The following C1QTNF5 variants were observed in gnomAD, a reference collection of about 807,000 sequenced individuals.
The protein encoded by C1QTNF5 is C1q and TNF related 5.
Under a neutral mutation model 10.9 loss-of-function variants are expected in C1QTNF5, and 5 were observed. The observed-to-expected ratio is 0.46, with a 90% CI of 0.24 to 0.97. The LOEUF (loss-of-function observed/expected upper bound fraction) is 0.97, where lower values mean the gene tolerates loss of function less well. Ranked by LOEUF, C1QTNF5 falls within the 50% of genes least tolerant of loss-of-function variation. The pLI is 0.19. For missense variants in C1QTNF5, 281 were observed against 339.4 expected, an observed-to-expected ratio of 0.83 and a Z score of 1.35; for synonymous variants, 161 against 156.5, an observed-to-expected ratio of 1.03 and a Z score of -0.22.
the C1QTNF5 span, chr11:119,346,530 T>C: frequency 5.0e-6 from 8 of 1,613,812 alleles, no homozygotes; most frequent in Non-Finnish European, 6.8e-6. Flanking sequence ...AGGCTCTGCA[T>C]GGCTTTCTGG....
upstream of C1QTNF5, chr11:119,345,474 G>A (rs752088544): frequency 5.6e-6 from 9 of 1,613,980 alleles, no homozygotes; most frequent in South Asian, 8.8e-5. Context: ...AAAAAGGCAA[G>A]AGGCCACACT....
Position 119,339,328 on chromosome 11 carries a change from G to C in C1QTNF5, c.*3C>G. On this transcript the variant is annotated 3_prime_UTR_variant, in exon 3 of 3. Coordinates refer to ENST00000528368, the MANE Select transcript of C1QTNF5 (RefSeq NM_001278431.2). The surrounding 1 kb of genome is among the most constrained non-coding windows in gnomAD (Gnocchi z 5.4). ...AGAGCATGAGCTCACTTTGCAGTGGGCACTAAGCAAAGACTGGGGAGCTGT... is the reference window on the plus strand; with the variant it reads ...AGAGCATGAGCTCACTTTGCAGTGGCCACTAAGCAAAGACTGGGGAGCTGT... 1 of 1,611,950 alleles carries C rather than the reference G, an allele frequency of 6.2e-7. No homozygotes were observed.
upstream of C1QTNF5, chr11:119,341,504 G>A (rs779984838): frequency 6.5e-7 from 1 of 1,540,254 alleles, no homozygotes; most frequent in Admixed American, 1.7e-5. Context: ...GCCCTGACCG[G>A]CAAAAGAGGA....
chr11:119,344,013 A>C, upstream of C1QTNF5: 2 of 1,605,722 alleles, frequency 1.2e-6, no homozygotes, highest in South Asian at 1.1e-5. Flanking sequence ...CTCCTGTCTC[A>C]TCCCGGGCAC....
rs1461179505 is a variant in C1QTNF5 at position 119,339,842 on chromosome 11, G to T, written c.221C>A (p.Pro74Gln). 2 of 1,492,156 alleles carry T rather than the reference G, an allele frequency of 1.3e-6. No individual in the cohort carries two copies. The highest frequency in any genetic ancestry group is 2.3e-5 in the Admixed American group (1 of 43,888). The allele number at this position is 1,492,156 out of a possible 1,614,324, so 92.4% of individuals were successfully genotyped here. The change falls in exon 3 of 3, where the codon CCG (proline) becomes CAG (glutamine). Residue 74 changes from proline (P) to glutamine (Q), a missense_variant. By Grantham distance (76) the Pro-to-Gln change is moderately conservative (BLOSUM62 -1). Transcript: ENST00000528368. The surrounding 1 kb of genome is among the most constrained non-coding windows in gnomAD (Gnocchi z 5.4). ...CGGCCCGGGGTCCCCTCGAGGTCCC[G>T]GCAGTCCTGCGGGGTAAGCGGGGCG... The part of the protein sequence containing the change: ...EKGEGGRPGL[P>Q]GPRGDPGPRG...
In C1QTNF5 at chr11:119,339,511, C is replaced by T. The variant is rs199537571; in HGVS notation, c.552G>A (p.Gly184=). The T allele has an allele frequency of 1.1e-5, 18 of 1,613,740 alleles. No individual in the cohort carries two copies. The highest frequency in any genetic ancestry group is 8.0e-5 in the African/African-American group (6 of 75,008). The change falls in exon 3 of 3, where the codon GGG becomes GGA. Residue 184 remains glycine (G), a synonymous_variant. Coordinates refer to ENST00000528368, the MANE Select transcript of C1QTNF5 (RefSeq NM_001278431.2). The surrounding 1 kb of genome is among the most constrained non-coding windows in gnomAD (Gnocchi z 5.4). ...CCGAGAGCGAGGCTGGCTTGGGCCA[C>T]CCCCCGAAAAACTGGAAGAAAGAGG... The part of the protein sequence containing the change: ...SIASFFQFFG[G]WPKPASLSGG...
At chr11:119,341,571 G>A (rs1950502848), upstream of C1QTNF5, 1 of 1,612,642 alleles carries the variant, frequency 6.2e-7, no homozygotes, top group Admixed American at 1.7e-5. Flanking sequence ...CAAGCTTCCA[G>A]GTCAGCTGCC....
At chr11:119,345,885 C>T (rs141109062), upstream of C1QTNF5, 204 of 1,613,490 alleles carry the variant, frequency 1.3e-4, no homozygotes, top group African/African-American at 2.6e-3. Context: ...CTCCGGCAGG[C>T]AGTGGGCTAT....
In C1QTNF5 at chr11:119,339,421, G is replaced by A. The variant is rs746676244; in HGVS notation, c.642C>T (p.Tyr214=). 1.9e-6 allele frequency: 3 copies of A among 1,613,598 alleles called. No individual in the cohort carries two copies. The Admixed American group carries it at 5.0e-5, about 27-fold the overall frequency. Reference sequence around the variant, plus strand: ...TCTTGATGCTGGCATAGATGCCAATGTAGTCACCCACACCCACCTGCACCC... The same window carrying A: ...TCTTGATGCTGGCATAGATGCCAATATAGTCACCCACACCCACCTGCACCC... ...QVWVQVGVGD[Y]IGIYASIKTD... is the part of the protein sequence containing the mutation. The change falls in exon 3 of 3, where the codon TAC becomes TAT. Residue 214 remains tyrosine (Y), a synonymous_variant. Transcript: ENST00000528368. This position sits in a 1 kb window ranked among gnomAD's most constrained non-coding sequence, Gnocchi z 5.4.
At position 119,340,778 on chromosome 11, in the gene C1QTNF5, T is replaced by A. The variant is rs1950495703; in HGVS notation, c.-127A>T. 4.0e-6 allele frequency: 1 copy of A among 249,354 alleles called. No homozygotes were observed. The highest frequency in any genetic ancestry group is 7.8e-6 in the Non-Finnish European group (1 of 128,754). The allele number at this position is 249,354 out of a possible 1,614,324, so 15.4% of individuals were successfully genotyped here. ...GTTGGTGGTGCTCCAGCCCCCGCGC[T>A]TCTCCCCGGCCAGGCGCCCCCTGCC... is the stretch of plus-strand genomic sequence containing the variant. On this transcript the variant is annotated 5_prime_UTR_variant, in exon 1 of 3. In the 5' UTR this introduces an upstream ATG that the reference lacks. Transcript: ENST00000528368.
upstream of C1QTNF5, chr11:119,344,432 G>A (rs752323232): frequency 6.3e-6 from 10 of 1,594,882 alleles, no homozygotes; most frequent in African/African-American, 1.3e-5. Context: ...GCTAGGATCT[G>A]TGCCTCCATC....
chr11:119,346,147 C>T, the C1QTNF5 span: 11 of 1,593,294 alleles, frequency 6.9e-6, no homozygotes, highest in African/African-American at 4.0e-5. Flanking sequence ...CCGTAGCCCT[C>T]GAGGACGCCG....
At chr11:119,342,253 C>T (rs1419996184), upstream of C1QTNF5, among the ~76,000 whole-genome samples, 12 of 152,222 alleles carry the variant, frequency 7.9e-5, no homozygotes. Context: ...TTTGCAGGGA[C>T]TGCTTGGGCA....
At chr11:119,341,129 T>G (rs1591301236), upstream of C1QTNF5, 1 of 222,362 alleles carries the variant, frequency 4.5e-6, no homozygotes, top group Non-Finnish European at 9.0e-6. Context: ...GAGATGAGGG[T>G]GGAGAGTTCT....
At chr11:119,345,104 A>G, upstream of C1QTNF5, 1 of 1,471,436 alleles carries the variant, frequency 6.8e-7, no homozygotes, top group African/African-American at 1.4e-5. Flanking sequence ...CAACCCCCAA[A>G]CTGGTGACCA....
rs1591299161 is a variant in C1QTNF5 at position 119,339,464 on chromosome 11, T to C, written c.599A>G (p.Glu200Gly). 1 of 1,613,830 alleles carries C rather than the reference T, an allele frequency of 6.2e-7. No individual in the cohort carries two copies. The highest frequency in any genetic ancestry group is 2.2e-5 in the East Asian group (1 of 44,866). ...SLSGGAMVRLEPEDQVWVQVG... is the reference protein window; with the variant it reads ...SLSGGAMVRLGPEDQVWVQVG... ...CTGCACCCACACTTGGTCCTCAGGC[T>C]CCAGCCTCACCATGGCCCCCCCCGA... The change falls in exon 3 of 3, where the codon GAG becomes GGG. Residue 200 changes from glutamate to glycine, a missense_variant. Glu to Gly is a moderately conservative substitution (Grantham distance 98). Transcript: ENST00000528368. This position sits in a 1 kb window ranked among gnomAD's most constrained non-coding sequence, Gnocchi z 5.4.
Position 119,339,429 on chromosome 11 carries a change from C to T in C1QTNF5, c.634G>A (p.Gly212Ser), listed in dbSNP as rs768085743. 6.2e-7 allele frequency: 1 copy of T among 1,613,754 alleles called. No individual in the cohort carries two copies. Among genetic ancestry groups the T allele is most frequent in the South Asian group, 1.1e-5 (1 of 91,052 alleles). The part of the protein sequence containing the change: ...EDQVWVQVGV[G>S]DYIGIYASIK... Reference sequence around the variant, plus strand: ...CTGGCATAGATGCCAATGTAGTCACCCACACCCACCTGCACCCACACTTGG... The same window carrying T: ...CTGGCATAGATGCCAATGTAGTCACTCACACCCACCTGCACCCACACTTGG... The change falls in exon 3 of 3, where the codon GGT becomes AGT. Residue 212 changes from glycine (G) to serine (S), a missense_variant. Physicochemically the swap from Gly to Ser is moderately conservative, Grantham distance 56. Coordinates refer to ENST00000528368, the MANE Select transcript of C1QTNF5 (RefSeq NM_001278431.2). The surrounding 1 kb of genome is among the most constrained non-coding windows in gnomAD (Gnocchi z 5.4).
upstream of C1QTNF5, chr11:119,343,845 GCTGGT>G (rs1342453275): frequency 4.3e-6 from 7 of 1,614,004 alleles, no homozygotes; most frequent in Non-Finnish European, 5.9e-6. Context: ...CCCCTGAGCT[GCTGGT>G]CTCATACACC....
At chr11:119,345,196 C>G (rs1190171146), upstream of C1QTNF5, among the ~76,000 whole-genome samples, 1 of 152,200 alleles carries the variant, frequency 6.6e-6, no homozygotes, top group African/African-American at 2.4e-5. Context: ...AGCATCTACT[C>G]ATGGGGAGAT....
Sources: allele counts gnomAD v4.1 joint callset (sites outside exome capture counted in the v4.1 genomes callset), GRCh38; gene constraint gnomAD v4.1.1; non-coding constraint Gnocchi (gnomAD v3.1); transcripts MANE v1.5; gene names NCBI Gene and HGNC (gene_info 2026-07-23, HGNC 2026-07-21).